KTN1: variants seen among roughly 807,000 people sequenced by gnomAD.
KTN1 encodes kinectin 1.
KTN1 carries 130 observed loss-of-function variants against 222.5 expected under a neutral mutation model. The observed-to-expected ratio is 0.58, with a 90% CI of 0.51 to 0.68. KTN1 has a LOEUF of 0.68. Ranked by LOEUF, KTN1 falls within the 30% of genes least tolerant of loss-of-function variation. KTN1 has a pLI of 0.00. For missense variants in KTN1, 1,508 were observed against 1,500.4 expected (o/e 1.01, Z -0.08); for synonymous variants, 512 against 496.3 (o/e 1.03, Z -0.42).
At chr14:55,591,827 C>G (rs1250306566) in intron 1 of KTN1, among the ~76,000 whole-genome samples, 1 of 152,096 alleles carries the variant, frequency 6.6e-6, no homozygotes, top group Non-Finnish European at 1.5e-5. Context: ...CCGCCCGCCT[C>G]GGCCACCCAA....
intron 1 of KTN1, among the ~76,000 whole-genome samples, chr14:55,592,075 T>C (rs552772112): frequency 6.6e-6 from 1 of 152,336 alleles, no homozygotes; most frequent in Admixed American, 6.5e-5. Context: ...CTTCTGACTT[T>C]CTTATGGTGT....
At chr14:55,651,138 C>T (rs2042899070) in intron 24 of KTN1, 2 of 363,594 alleles carry the variant, frequency 5.5e-6, no homozygotes, top group Non-Finnish European at 1.1e-5. Context: ...ATGATTCATT[C>T]ATCTCATAGA....
rs924538256 is a variant in KTN1 at position 55,641,023 on chromosome 14, T to C, written c.2021+53T>C. The C allele has an allele frequency of 3.3e-6, 5 of 1,525,784 alleles. No individual in the cohort carries two copies. The African/African-American group carries it at 6.8e-5, about 21-fold the overall frequency. The allele number at this position is 1,525,784 out of a possible 1,614,324, so 94.5% of individuals were successfully genotyped here. A position where few individuals can be genotyped will look rare whatever the true frequency, so the allele number is the denominator to read the frequency against. On this transcript the variant is annotated intron_variant, in intron 16 of 43. Coordinates refer to ENST00000395314, the MANE Select transcript of KTN1 (RefSeq NM_001079521.2). ...TTCATACATTTATGTTTAATTATAATTGTTGCAGAAAATATTGCTGCTTAT... is the reference window on the plus strand; with the variant it reads ...TTCATACATTTATGTTTAATTATAACTGTTGCAGAAAATATTGCTGCTTAT...
intron 6 of KTN1, among the ~76,000 whole-genome samples, chr14:55,628,301 AT>A (rs1288017877): frequency 6.6e-6 from 1 of 152,206 alleles, no homozygotes; most frequent in Non-Finnish European, 1.5e-5. Context: ...ATTTGTTTTA[AT>A]TGGATCTGAC....
intron 40 of KTN1, 126 bp from the exon 41 acceptor site, chr14:55,675,709 A>G (rs1211752879): frequency 1.7e-6 from 1 of 585,128 alleles, no homozygotes; most frequent in Non-Finnish European, 3.0e-6. Flanking sequence ...CTGGTGCAGC[A>G]TATTGGCTAA....
rs761782062 is a variant in KTN1 at position 55,651,889 on chromosome 14, G to T, written c.2566-1G>T. ...TGATTTTTCTGTCCTTTGTATTTCA[G>T]TTATCTATCACTTCCAAAGTTCAGG... is the stretch of plus-strand genomic sequence containing the variant. On this transcript the variant is annotated splice_acceptor_variant, in intron 24 of 43. Coordinates refer to ENST00000395314, the MANE Select transcript of KTN1 (RefSeq NM_001079521.2). LOFTEE classifies it high-confidence loss of function. 1 of 1,556,282 alleles carries T rather than the reference G, an allele frequency of 6.4e-7. No homozygotes were observed. Among genetic ancestry groups the T allele is most frequent in the African/African-American group, 1.4e-5 (1 of 73,212 alleles).
At chr14:55,673,387 C>T in intron 40 of KTN1, 132 bp downstream of exon 40, 1 of 530,912 alleles carries the variant, frequency 1.9e-6, no homozygotes, top group Non-Finnish European at 3.4e-6. Context: ...CTAAGATAAT[C>T]TTCATATTCC....
Position 55,633,318 on chromosome 14 carries a change from C to T in KTN1, c.1305C>T (p.Asn435=). 6.4e-7 allele frequency: 1 copy of T among 1,572,476 alleles called. No individual in the cohort carries two copies. Among genetic ancestry groups the T allele is most frequent in the Non-Finnish European group, 8.6e-7 (1 of 1,158,012 alleles). The change falls in exon 8 of 44, where the codon AAC becomes AAT. Residue 435 remains asparagine, a synonymous_variant. Transcript: ENST00000395314. ...GTATACTGAGAGATGCAGTCAGCAA[C>T]ACTACAAATCAACTGGAAAGCAAGT... The part of the protein sequence containing the change: ...ENGILRDAVS[N]TTNQLESKQS...
At chr14:55,646,893 C>A (rs1387567219) in intron 18 of KTN1, 80 bp from the exon 19 acceptor site, 2 of 902,762 alleles carry the variant, frequency 2.2e-6, no homozygotes, top group Non-Finnish European at 3.6e-6. Flanking sequence ...AAACAATTTT[C>A]ACAAAATTAC....
Position 55,612,331 on chromosome 14 carries a change from G to A in KTN1, c.283G>A (p.Asp95Asn), listed in dbSNP as rs369090786. 1.9e-5 allele frequency: 30 copies of A among 1,613,982 alleles called. No homozygotes were observed. The African/African-American group carries it at 4.0e-4, about 22-fold the overall frequency. The stretch of plus-strand genomic sequence containing the variant: ...ATCAGATGCTTTGGCAGTAGAAGAT[G>A]ATCAAGTTGCACCTGTTCCATTGAA... Reference protein sequence around the residue: ...KLSDALAVEDDQVAPVPLNVV... With the variant: ...KLSDALAVEDNQVAPVPLNVV... The change falls in exon 2 of 44, where the codon GAT becomes AAT. Residue 95 changes from aspartate (D) to asparagine (N), a missense_variant. Physicochemically the swap from Asp to Asn is conservative, Grantham distance 23. Coordinates refer to ENST00000395314, the MANE Select transcript of KTN1 (RefSeq NM_001079521.2).
intron 1 of KTN1, among the ~76,000 whole-genome samples, chr14:55,595,174 A>G (rs1380364213): frequency 7.1e-6 from 1 of 141,396 alleles, no homozygotes; most frequent in African/African-American, 2.6e-5. Flanking sequence ...TCTGTTCCAT[A>G]TGATTTACGC....
At chr14:55,581,619 A>G (rs747813590) in intron 1 of KTN1, among the ~76,000 whole-genome samples, 3 of 152,166 alleles carry the variant, frequency 2.0e-5, no homozygotes, top group Admixed American at 6.5e-5. Context: ...TCGGTGAACT[A>G]AAGGTTCTGA....
intron 5 of KTN1, 24 bp downstream of exon 5, chr14:55,619,336 G>T: frequency 6.2e-7 from 1 of 1,607,716 alleles, no homozygotes; most frequent in East Asian, 2.2e-5. Flanking sequence ...TTGATTATGG[G>T]CATATTCATG....
intron 40 of KTN1, 47 bp downstream of exon 40, chr14:55,673,302 C>A: frequency 8.1e-7 from 1 of 1,234,560 alleles, no homozygotes; most frequent in Non-Finnish European, 1.2e-6. Flanking sequence ...ACTGAAAACA[C>A]TTTATTGACA....
chr14:55,636,044 C>G (rs10142869), intron 9 of KTN1, among the ~76,000 whole-genome samples: 2,446 of 152,114 alleles, frequency 0.016, 36 homozygotes, highest in African/African-American at 0.043. Flanking sequence ...AAAAATACCT[C>G]AAAATAAGAA....
chr14:55,649,858 A>AT lies in KTN1; in HGVS notation c.2405+55dup, dbSNP rs71448463. 4,311 of 990,658 alleles carry AT rather than the reference A, an allele frequency of 4.4e-3. 1 individual carries two copies. Among genetic ancestry groups the AT allele is most frequent in the Non-Finnish European group, 4.7e-3 (3,138 of 674,158 alleles). The allele number at this position is 990,658 out of a possible 1,614,324, so 61.4% of individuals were successfully genotyped here. On this transcript the variant is annotated intron_variant, in intron 22 of 43. Transcript: ENST00000395314. ...TAAACTGGTTTTTCTTCTTTGGTCC[A>AT]TTTTTTTTTTGTGTGTGCTTAGAAA...
At chr14:55,631,159 A>G (rs528422787) in intron 7 of KTN1, among the ~76,000 whole-genome samples, 1 of 151,742 alleles carries the variant, frequency 6.6e-6, no homozygotes, top group Non-Finnish European at 1.5e-5. Flanking sequence ...TAAAGAGGTT[A>G]TTGAAGAATA....
intron 33 of KTN1, 127 bp from the exon 34 acceptor site, chr14:55,667,114 A>G (rs1158553266): frequency 5.1e-6 from 3 of 593,386 alleles, no homozygotes; most frequent in South Asian, 4.3e-5. Context: ...AATATTTGTT[A>G]GTATTAAAAA....
Position 55,652,795 on chromosome 14 carries a change from G to A in KTN1, c.2604-55G>A, listed in dbSNP as rs1213175624. On this transcript the variant is annotated intron_variant, in intron 25 of 43. Transcript: ENST00000395314. ...ACTTTTTTCAGTGTCTAAGATTTTT[G>A]CTTTTTATGGTCATGTAACATTTTC... 2.4e-6 allele frequency: 3 copies of A among 1,239,684 alleles called. No individual in the cohort carries two copies. The East Asian group carries it at 7.0e-5, about 29-fold the overall frequency. The allele number at this position is 1,239,684 out of a possible 1,614,324, so 76.8% of individuals were successfully genotyped here. A position where few individuals can be genotyped will look rare whatever the true frequency, so the allele number is the denominator to read the frequency against.
Sources: gnomAD v4.1 joint callset for allele counts (sites outside exome capture counted in the v4.1 genomes callset) on GRCh38, gnomAD v4.1.1 for gene constraint, MANE v1.5 for transcripts, NCBI Gene and HGNC (gene_info 2026-07-23, HGNC 2026-07-21) for gene names.